Variants in WDHD1 observed in about 807,000 individuals in gnomAD.
The protein encoded by WDHD1 is WD repeat and HMG-box DNA binding protein 1.
Under a neutral mutation model 135.4 loss-of-function variants are expected in WDHD1, and 111 were observed. The observed-to-expected ratio is 0.82, with a 90% CI of 0.70 to 0.96. The LOEUF is 0.96. WDHD1 is among the 40% of genes least tolerant of loss of function. The pLI is 0.00. For synonymous variants in WDHD1, 434 were observed against 439.0 expected (o/e 0.99, Z 0.14); for missense variants, 1,351 against 1,336.3 (o/e 1.01, Z -0.17).
intron 2 of WDHD1, among the ~76,000 whole-genome samples, chr14:55,015,978 C>A (rs2042256290): frequency 6.6e-6 from 1 of 152,204 alleles, no homozygotes; most frequent in South Asian, 2.1e-4. Context: ...GGATTATAGG[C>A]ATGAGCCACC....
In WDHD1 at chr14:54,939,997, C is replaced by T. The variant is rs932385682; in HGVS notation, c.*1493G>A. ...AAACCTTTACTTAAGATCTTGAAAT[C>T]AAAATTAGTTTGTATAGTATTCAGA... On this transcript the variant is annotated 3_prime_UTR_variant, in exon 26 of 26. Coordinates refer to ENST00000360586, the MANE Select transcript of WDHD1 (RefSeq NM_007086.4). The T allele has an allele frequency of 1.3e-5, 2 of 152,100 alleles. No homozygotes were observed. Among genetic ancestry groups the T allele is most frequent in the Admixed American group, 6.5e-5 (1 of 15,270 alleles). The allele number at this position is 152,100 out of a possible 1,614,324, so 9.4% of individuals were successfully genotyped here. A position where few individuals can be genotyped will look rare whatever the true frequency, so the allele number is the denominator to read the frequency against.
chr14:55,023,262 C>T (rs1478793720), intron 2 of WDHD1, among the ~76,000 whole-genome samples: 3 of 152,184 alleles, frequency 2.0e-5, no homozygotes, highest in African/African-American at 4.8e-5. Context: ...ACATTAGAGT[C>T]TATAGCTATG....
At chr14:54,998,054 A>C (rs2041915182) in intron 10 of WDHD1, among the ~76,000 whole-genome samples, 1 of 151,808 alleles carries the variant, frequency 6.6e-6, no homozygotes, top group Non-Finnish European at 1.5e-5. Flanking sequence ...TCTACTAAAA[A>C]TACAAAAAAT....
At chr14:54,962,674 C>T in intron 20 of WDHD1, 64 bp downstream of exon 20, 1 of 1,584,350 alleles carries the variant, frequency 6.3e-7, no homozygotes. Flanking sequence ...CTCAGTTAAG[C>T]AAAATGGGAA....
At chr14:55,019,564 T>C (rs1007456353) in intron 2 of WDHD1, among the ~76,000 whole-genome samples, 1 of 152,096 alleles carries the variant, frequency 6.6e-6, no homozygotes. Context: ...GTATGGGATT[T>C]ACTTTAAAAT....
intron 16 of WDHD1, among the ~76,000 whole-genome samples, chr14:54,978,146 T>C (rs2041557841): frequency 6.6e-6 from 1 of 152,208 alleles, no homozygotes; most frequent in African/African-American, 2.4e-5. Flanking sequence ...GGCAGAATAG[T>C]AAAAATCCTC....
At chr14:55,018,740 T>C (rs956134582) in intron 2 of WDHD1, among the ~76,000 whole-genome samples, 5 of 152,224 alleles carry the variant, frequency 3.3e-5, no homozygotes, top group African/African-American at 9.6e-5. Flanking sequence ...CCTTAGAACC[T>C]AACATTTTTC....
At chr14:54,942,994 C>T (rs957361001) in intron 25 of WDHD1, among the ~76,000 whole-genome samples, 2 of 152,190 alleles carry the variant, frequency 1.3e-5, no homozygotes, top group Non-Finnish European at 2.9e-5. Context: ...CTAAATGACG[C>T]TAAAGGTGTT....
chr14:54,992,763 A>C (rs1000433831), intron 11 of WDHD1, among the ~76,000 whole-genome samples: 5 of 151,974 alleles, frequency 3.3e-5, no homozygotes, highest in African/African-American at 9.7e-5. Context: ...AAAAATAAAA[A>C]ATTAGATGGG....
At chr14:54,958,737 T>A (rs1286264840) in intron 21 of WDHD1, among the ~76,000 whole-genome samples, 1 of 152,200 alleles carries the variant, frequency 6.6e-6, no homozygotes. Context: ...TGTGTTCCAA[T>A]AGTTGGTTCC....
At chr14:55,011,630 G>C (rs1475294660) in intron 3 of WDHD1, among the ~76,000 whole-genome samples, 6 of 135,798 alleles carry the variant, frequency 4.4e-5, no homozygotes, top group African/African-American at 1.7e-4. Flanking sequence ...TCTTAATTTT[G>C]TTATATTCGT....
At chr14:54,948,465 G>C (rs1305193616) in intron 24 of WDHD1, among the ~76,000 whole-genome samples, 5 of 152,070 alleles carry the variant, frequency 3.3e-5, no homozygotes, top group African/African-American at 1.2e-4. Context: ...TAGCACAGCA[G>C]TCTGAGATTG....
At position 54,991,069 on chromosome 14, in the gene WDHD1, C is replaced by G. The variant is rs116694262; in HGVS notation, c.1341+144G>C. The G allele has an allele frequency of 3.4e-3, 1,746 of 507,810 alleles. 21 individuals are homozygous for G. Among genetic ancestry groups the G allele is most frequent in the African/African-American group, 0.031 (1,614 of 52,692 alleles). The allele number at this position is 507,810 out of a possible 1,614,324, so 31.5% of individuals were successfully genotyped here. On this transcript the variant is annotated intron_variant, in intron 12 of 25. Coordinates refer to ENST00000360586, the MANE Select transcript of WDHD1 (RefSeq NM_007086.4). ...ACTGTGAGCTAACCATAAAATAAAC[C>G]AACCACAAAACTGTAATCAACCAAA...
chr14:54,975,915 T>A (rs2041517676), intron 16 of WDHD1, among the ~76,000 whole-genome samples: 1 of 152,184 alleles, frequency 6.6e-6, no homozygotes, highest in Non-Finnish European at 1.5e-5. Context: ...TAAATACCAC[T>A]GAGTTGGGTT....
At chr14:54,959,409 G>GAGGGAGGGAGGGAAGAAGGA (rs2041212268) in intron 21 of WDHD1, among the ~76,000 whole-genome samples, 1 of 142,180 alleles carries the variant, frequency 7.0e-6, no homozygotes, top group Non-Finnish European at 1.5e-5. Flanking sequence ...GAAGAGGAGG[G>GAGGGAGGGAGGGAAGAAGGA]AGGGAGGGAG....
chr14:54,956,992 T>C lies in WDHD1; in HGVS notation c.2916+42A>G, dbSNP rs146747141. 5.2e-3 allele frequency: 8,258 copies of C among 1,588,816 alleles called. 46 individuals are homozygous for C. The highest frequency in any genetic ancestry group is 0.011 in the Middle Eastern group (68 of 5,922). ...GTGAACAAAACTGAAGACAAACAGATCCCATGCTGCTTACTGCAGATGAGG... is the reference window on the plus strand; with the variant it reads ...GTGAACAAAACTGAAGACAAACAGACCCCATGCTGCTTACTGCAGATGAGG... On this transcript the variant is annotated intron_variant, in intron 23 of 25. Transcript: ENST00000360586.
At chr14:54,954,528 T>C (rs148316043) in intron 24 of WDHD1, among the ~76,000 whole-genome samples, 270 of 152,354 alleles carry the variant, frequency 1.8e-3, no homozygotes, top group Middle Eastern at 6.8e-3. Flanking sequence ...ATGCTATTCA[T>C]ATAAAATTAT....
intron 11 of WDHD1, among the ~76,000 whole-genome samples, chr14:54,992,803 A>T (rs2041813118): frequency 6.6e-6 from 1 of 152,076 alleles, no homozygotes. Flanking sequence ...AGTCCTAGCT[A>T]CCCGGAAGGC....
At chr14:54,985,608 G>T (rs1445536414) in intron 14 of WDHD1, among the ~76,000 whole-genome samples, 3 of 152,226 alleles carry the variant, frequency 2.0e-5, no homozygotes, top group African/African-American at 7.2e-5. Flanking sequence ...GATTTGAGAA[G>T]AGGAGCATGA....
Sources: allele counts gnomAD v4.1 joint callset (sites outside exome capture counted in the v4.1 genomes callset), GRCh38; gene constraint gnomAD v4.1.1; transcripts MANE v1.5; gene names NCBI Gene and HGNC (gene_info 2026-07-23, HGNC 2026-07-21).